The following KIF5C variants were observed in gnomAD, a reference collection of about 807,000 sequenced individuals.
The protein encoded by KIF5C is kinesin heavy chain isoform 5C.
A neutral mutation model predicts 125.2 loss-of-function variants in KIF5C; 18 were observed. The observed-to-expected ratio is 0.14, with a 90% CI of 0.10 to 0.21. KIF5C has a LOEUF of 0.21. Among genes scored for constraint, KIF5C ranks in the 10% least tolerant of loss-of-function variants. The pLI is 1.00. For missense variants in KIF5C, 780 were observed against 1,183.8 expected (o/e 0.66, Z 5.01); for synonymous variants, 405 against 434.0 (o/e 0.93, Z 0.83).
rs1440722508 is a variant in KIF5C, at chr2:148,978,922, G to T, written c.1294G>T (p.Asp432Tyr). 6.3e-7 allele frequency: 1 copy of T among 1,594,152 alleles called. No individual in the cohort carries two copies. The change falls in exon 13 of 26, where the codon GAT becomes TAT. Residue 432 changes from aspartate to tyrosine, a missense_variant and splice_region_variant. Asp to Tyr is a radical substitution (Grantham distance 160, BLOSUM62 -3). Coordinates refer to ENST00000435030, the MANE Select transcript of KIF5C (RefSeq NM_004522.3). ...AAACAAACATGATGTTTCGTTTCAG[G>T]ATGATGAAATTAACCAGCAGAGCCA... is the stretch of plus-strand genomic sequence containing the variant. Reference protein sequence around the residue: ...SSLYRQLDDKDDEINQQSQLA... With the variant: ...SSLYRQLDDKYDEINQQSQLA...
chr2:148,936,683 A>G (rs1012699077), intron 3 of KIF5C, among the ~76,000 whole-genome samples: 4 of 152,242 alleles, frequency 2.6e-5, no homozygotes, highest in Admixed American at 1.3e-4. Flanking sequence ...ACATGGATTT[A>G]GGTATTAGAA....
intron 12 of KIF5C, 94 bp downstream of exon 12, chr2:148,973,605 C>A: frequency 6.9e-7 from 1 of 1,439,716 alleles, no homozygotes. Context: ...GGCTACAGCC[C>A]GATCTTTGTT....
At chr2:148,994,854 A>G (rs569875063) in intron 17 of KIF5C, among the ~76,000 whole-genome samples, 1 of 151,986 alleles carries the variant, frequency 6.6e-6, no homozygotes, top group African/African-American at 2.4e-5. Context: ...GATGCGTGTC[A>G]CCACACCTGG....
At chr2:148,998,369 G>C in intron 18 of KIF5C, 31 bp from the exon 19 acceptor site, 1 of 1,552,988 alleles carries the variant, frequency 6.4e-7, no homozygotes, top group East Asian at 2.4e-5. Context: ...CCAACGAGTA[G>C]ATGACATGTT....
intron 12 of KIF5C, among the ~76,000 whole-genome samples, chr2:148,977,549 C>T (rs1171634818): frequency 6.6e-6 from 1 of 152,178 alleles, no homozygotes; most frequent in Non-Finnish European, 1.5e-5. Context: ...AAATAGTCTT[C>T]TAGTTGTAGA....
At chr2:148,907,168 C>T (rs1340732943) in intron 1 of KIF5C, among the ~76,000 whole-genome samples, 1 of 152,094 alleles carries the variant, frequency 6.6e-6, no homozygotes, top group East Asian at 1.9e-4. Flanking sequence ...TGTTTTGGTC[C>T]CTCTTTGCTG....
chr2:148,993,501 T>A (rs899895560), intron 16 of KIF5C, among the ~76,000 whole-genome samples: 2 of 152,248 alleles, frequency 1.3e-5, no homozygotes, highest in Non-Finnish European at 2.9e-5. Context: ...ATCTAAGGAA[T>A]CTGACACAGT....
chr2:148,967,967 G>A (rs1276071358), intron 11 of KIF5C, among the ~76,000 whole-genome samples: 2 of 152,140 alleles, frequency 1.3e-5, no homozygotes, highest in East Asian at 1.9e-4. Flanking sequence ...GATGGGGAGG[G>A]CGGGGTGAAG....
chr2:148,906,218 AT>A (rs1287312942), intron 1 of KIF5C, among the ~76,000 whole-genome samples: 1 of 152,198 alleles, frequency 6.6e-6, no homozygotes, highest in Non-Finnish European at 1.5e-5. Context: ...ATTTTAGCCA[AT>A]TCGTGATGTC....
chr2:148,892,832 C>G (rs1681745389), intron 1 of KIF5C, among the ~76,000 whole-genome samples: 1 of 152,194 alleles, frequency 6.6e-6, no homozygotes, highest in Non-Finnish European at 1.5e-5. Flanking sequence ...AGTCCATCTG[C>G]TCATTCAGCC....
At chr2:148,931,155 A>G (rs1308511843) in intron 3 of KIF5C, among the ~76,000 whole-genome samples, 2 of 152,062 alleles carry the variant, frequency 1.3e-5, no homozygotes, top group Admixed American at 6.5e-5. Flanking sequence ...GCCAAACAAC[A>G]ACAACAACAA....
At chr2:148,927,222 T>C (rs1236997770) in intron 2 of KIF5C, among the ~76,000 whole-genome samples, 1 of 152,112 alleles carries the variant, frequency 6.6e-6, no homozygotes, top group Non-Finnish European at 1.5e-5. Flanking sequence ...CCCAGAGGCG[T>C]GGATGAGACC....
chr2:148,932,468 G>A (rs1682202678), intron 3 of KIF5C, among the ~76,000 whole-genome samples: 1 of 152,204 alleles, frequency 6.6e-6, no homozygotes, highest in Admixed American at 6.5e-5. Context: ...CAGTGTTAAT[G>A]CTAAGCTCGG....
At chr2:148,983,554 T>A in intron 14 of KIF5C, 66 bp from the exon 15 acceptor site, 1 of 1,454,892 alleles carries the variant, frequency 6.9e-7, no homozygotes, top group Admixed American at 2.4e-5. Context: ...TGTTATTCTT[T>A]GTAATGTGGA....
At chr2:148,998,588 C>T (rs775065183) in intron 19 of KIF5C, 79 bp downstream of exon 19, 2 of 1,538,390 alleles carry the variant, frequency 1.3e-6, no homozygotes, top group East Asian at 2.5e-5. Context: ...GGATGTGGCT[C>T]TTAGTCGAGG....
intron 21 of KIF5C, among the ~76,000 whole-genome samples, chr2:149,003,672 T>C (rs1002823261): frequency 1.2e-4 from 19 of 152,202 alleles, no homozygotes; most frequent in African/African-American, 4.6e-4. Context: ...AAGCACAGTG[T>C]GCATAAATAA....
chr2:149,010,493 C>A, intron 24 of KIF5C, 142 bp downstream of exon 24: 3 of 1,393,020 alleles, frequency 2.2e-6, no homozygotes, highest in Non-Finnish European at 2.8e-6. Context: ...GCAGCCCTCA[C>A]CGCACCCTGT....
In KIF5C at chr2:148,889,026, G is replaced by T. The variant is rs115347823; in HGVS notation, c.126+13283G>T. ...GTGATGGGCTAATGAGCATCTGCAT[G>T]CACAGAGCTGTGTTCTTTTGTTGAA... On this transcript the variant is annotated intron_variant, in intron 1 of 25. Transcript: ENST00000435030. Among the ~76,000 whole-genome samples the T allele has an allele frequency of 1.8e-3, 277 of 152,278 alleles. 2 individuals are homozygous for T. The highest frequency in any genetic ancestry group is 6.3e-3 in the African/African-American group (261 of 41,550).
intron 23 of KIF5C, among the ~76,000 whole-genome samples, chr2:149,008,362 CT>C (rs894305920): frequency 2.0e-4 from 31 of 152,228 alleles, no homozygotes; most frequent in African/African-American, 7.2e-4. Context: ...GCCTCCACCC[CT>C]GACTTTGGAC....
Sources: gnomAD v4.1 joint callset for allele counts (sites outside exome capture counted in the v4.1 genomes callset) on GRCh38, gnomAD v4.1.1 for gene constraint, MANE v1.5 for transcripts, NCBI Gene and HGNC (gene_info 2026-07-23, HGNC 2026-07-21) for gene names.